Variants in SCML4 observed in about 807,000 individuals in gnomAD.
The protein encoded by SCML4 is sex comb on midleg-like protein 4.
A neutral mutation model predicts 41.1 loss-of-function variants in SCML4; 34 were observed. The observed-to-expected ratio is 0.83, with a 90% CI of 0.63 to 1.10. SCML4 has a LOEUF of 1.10. Among genes scored for constraint, SCML4 ranks in the 50% least tolerant of loss-of-function variants. The probability of loss-of-function intolerance (pLI) is 0.00; values close to 1 mark genes in which losing one functional copy is unlikely to be tolerated. For synonymous variants in SCML4, 214 were observed against 220.9 expected, an observed-to-expected ratio of 0.97 and a Z score of 0.28; for missense variants, 522 against 534.1, an observed-to-expected ratio of 0.98 and a Z score of 0.22.
At chr6:107,761,796 A>AG (rs1273777141) in intron 2 of SCML4, among the ~76,000 whole-genome samples, 12 of 65,904 alleles carry the variant, frequency 1.8e-4, no homozygotes, top group Non-Finnish European at 3.9e-4. Context: ...TTCTACACCC[A>AG]GAAAAAAAAG....
chr6:107,784,275 G>T (rs761969502), intron 1 of SCML4, among the ~76,000 whole-genome samples: 2 of 152,170 alleles, frequency 1.3e-5, no homozygotes, highest in Non-Finnish European at 2.9e-5. Context: ...AGATACACCT[G>T]CAGGCAAAAC....
intron 5 of SCML4, among the ~76,000 whole-genome samples, chr6:107,722,092 C>G (rs1310261618): frequency 6.7e-6 from 1 of 150,240 alleles, no homozygotes; most frequent in African/African-American, 2.5e-5. Context: ...CTGGTTGAAG[C>G]GATTCTCTTG....
intron 5 of SCML4, chr6:107,732,015 G>C (rs3734757): frequency 0.28 from 42,615 of 152,238 alleles, 6,133 homozygotes; most frequent in Non-Finnish European, 0.32. Context: ...CTCTCCCACT[G>C]TCCTCTGGGG....
intron 1 of SCML4, among the ~76,000 whole-genome samples, chr6:107,781,747 TACA>T (rs1251299768): frequency 6.6e-6 from 1 of 152,196 alleles, no homozygotes; most frequent in East Asian, 1.9e-4. Flanking sequence ...CAAATATCTT[TACA>T]GGAGTTGCAA....
intron 1 of SCML4, among the ~76,000 whole-genome samples, chr6:107,800,236 T>G (rs1313387508): frequency 1.3e-5 from 2 of 152,218 alleles, no homozygotes; most frequent in Non-Finnish European, 2.9e-5. Context: ...TAAACAAAAA[T>G]TAAACTCCAA....
chr6:107,824,916 G>T (rs192099975), upstream of SCML4, among the ~76,000 whole-genome samples: 23 of 152,212 alleles, frequency 1.5e-4, no homozygotes, highest in Admixed American at 1.3e-3. Context: ...ACACACCATG[G>T]TTGTACATAT....
At chr6:107,764,669 A>G (rs534810185) in intron 2 of SCML4, among the ~76,000 whole-genome samples, 1 of 152,258 alleles carries the variant, frequency 6.6e-6, no homozygotes, top group Admixed American at 6.5e-5. Context: ...GAAGGAAGAA[A>G]AAGAAAAACA....
chr6:107,767,611 C>T (rs991835468), intron 2 of SCML4, among the ~76,000 whole-genome samples: 11 of 152,178 alleles, frequency 7.2e-5, no homozygotes, highest in Admixed American at 5.9e-4. Flanking sequence ...CTTCAGCAAG[C>T]GAATTTTCCA....
intron 1 of SCML4, among the ~76,000 whole-genome samples, chr6:107,805,956 T>A (rs938977): frequency 6.6e-6 from 1 of 152,188 alleles, no homozygotes; most frequent in Non-Finnish European, 1.5e-5. Flanking sequence ...GAGGCCACGG[T>A]TATGAGTTCT....
At chr6:107,830,417 C>T in the SCML4 span, among the ~76,000 whole-genome samples, 1 of 152,158 alleles carries the variant, frequency 6.6e-6, no homozygotes, top group East Asian at 1.9e-4. Flanking sequence ...ATCCCAGGGG[C>T]AGCGTCTGGT....
chr6:107,845,140 G>T, the SCML4 span, among the ~76,000 whole-genome samples: 1 of 152,120 alleles, frequency 6.6e-6, no homozygotes, highest in Non-Finnish European at 1.5e-5. Context: ...GGAAGCTGAG[G>T]CAGGAGAATC....
chr6:107,725,559 T>C (rs553541755), intron 5 of SCML4, among the ~76,000 whole-genome samples: 47 of 152,230 alleles, frequency 3.1e-4, no homozygotes, highest in African/African-American at 1.1e-3. Flanking sequence ...CAACTGGATA[T>C]CCACATGTAA....
chr6:107,769,792 G>C (rs1043519485), intron 2 of SCML4, among the ~76,000 whole-genome samples: 1 of 151,954 alleles, frequency 6.6e-6, no homozygotes, highest in Non-Finnish European at 1.5e-5. Context: ...GCTGTGTATG[G>C]AGTCTTCTCC....
chr6:107,778,140 G>T (rs1393149599), intron 1 of SCML4, among the ~76,000 whole-genome samples: 1 of 141,004 alleles, frequency 7.1e-6, no homozygotes, highest in South Asian at 2.3e-4. Context: ...ACTTGAATCC[G>T]GGAGATCACG....
intron 2 of SCML4, among the ~76,000 whole-genome samples, chr6:107,766,994 A>G (rs560187570): frequency 6.9e-6 from 1 of 145,862 alleles, no homozygotes; most frequent in East Asian, 2.0e-4. Context: ...CCCTGTCACT[A>G]GGCTGGAGCG....
chr6:107,836,278 C>T, the SCML4 span, among the ~76,000 whole-genome samples: 2 of 152,166 alleles, frequency 1.3e-5, no homozygotes, highest in African/African-American at 4.8e-5. Context: ...AGGGGAAGCA[C>T]TCCGAAGACA....
chr6:107,753,550 A>G (rs1036216138), intron 2 of SCML4, among the ~76,000 whole-genome samples: 2 of 152,220 alleles, frequency 1.3e-5, no homozygotes, highest in African/African-American at 4.8e-5. Context: ...TGGTTGCATG[A>G]CAATGTGAAT....
chr6:107,829,765 CAAAT>C, the SCML4 span, among the ~76,000 whole-genome samples: 2 of 111,938 alleles, frequency 1.8e-5, no homozygotes, highest in Non-Finnish European at 4.3e-5. Flanking sequence ...AATAAACAAA[CAAAT>C]AAATAAATAA....
intron 5 of SCML4, among the ~76,000 whole-genome samples, chr6:107,731,740 T>C (rs1391890613): frequency 6.6e-6 from 1 of 152,206 alleles, no homozygotes; most frequent in African/African-American, 2.4e-5. Flanking sequence ...ACATCAGAGA[T>C]TCCTAGCCCT....
Sources: allele counts gnomAD v4.1 joint callset (sites outside exome capture counted in the v4.1 genomes callset), GRCh38; gene constraint gnomAD v4.1.1; transcripts MANE v1.5; gene names NCBI Gene and HGNC (gene_info 2026-07-23, HGNC 2026-07-21).